The following PPM1L variants were observed in gnomAD, a reference collection of about 807,000 sequenced individuals.
PPM1L encodes protein phosphatase, Mg2+/Mn2+ dependent 1L, also known as protein phosphatase 1L.
PPM1L carries 13 observed loss-of-function variants against 31.4 expected under a neutral mutation model. That is an observed-to-expected ratio of 0.41 (90% confidence interval 0.27 to 0.66). The LOEUF is 0.66. Among genes scored for constraint, PPM1L ranks in the 30% least tolerant of loss-of-function variants. PPM1L has a pLI of 0.29. For missense variants in PPM1L, 326 were observed against 453.7 expected, an observed-to-expected ratio of 0.72 and a Z score of 2.56; for synonymous variants, 184 against 175.4, an observed-to-expected ratio of 1.05 and a Z score of -0.39.
intron 1 of PPM1L, among the ~76,000 whole-genome samples, chr3:160,886,551 C>T (rs908445045): frequency 2.0e-5 from 3 of 152,126 alleles, no homozygotes; most frequent in Admixed American, 6.5e-5. Context: ...CCTCCAGGCA[C>T]AGGAGCGAAC....
chr3:160,842,330 A>G (rs898231277), intron 1 of PPM1L: 7 of 701,712 alleles, frequency 1.0e-5, no homozygotes, highest in African/African-American at 1.7e-5. Flanking sequence ...AGGACTCATG[A>G]TGGGGGGTAA....
intron 1 of PPM1L, among the ~76,000 whole-genome samples, chr3:160,895,765 G>A (rs1395364223): frequency 6.6e-6 from 1 of 152,136 alleles, no homozygotes; most frequent in African/African-American, 2.4e-5. Flanking sequence ...GGTGATGATG[G>A]AGAAAATGTT....
At chr3:160,820,615 G>A (rs1207353689) in intron 1 of PPM1L, among the ~76,000 whole-genome samples, 1 of 151,942 alleles carries the variant, frequency 6.6e-6, no homozygotes, top group African/African-American at 2.4e-5. Flanking sequence ...GTATTGTATG[G>A]TCTTAAACTT....
At chr3:160,796,373 C>G (rs1712250861) in intron 1 of PPM1L, among the ~76,000 whole-genome samples, 1 of 152,168 alleles carries the variant, frequency 6.6e-6, no homozygotes, top group Non-Finnish European at 1.5e-5. Context: ...TGCTGCATCT[C>G]TGCTACCTTT....
At chr3:160,988,837 A>G (rs1429789743) in intron 2 of PPM1L, among the ~76,000 whole-genome samples, 1 of 152,172 alleles carries the variant, frequency 6.6e-6, no homozygotes, top group Non-Finnish European at 1.5e-5. Flanking sequence ...TGTCTGTACA[A>G]TTCTTTATGC....
At position 161,077,069 on chromosome 3, in the gene PPM1L, G is replaced by T. The variant is rs1720126034; in HGVS notation, c.*7912G>T. The T allele has an allele frequency of 6.6e-6, 1 of 152,096 alleles. No individual in the cohort carries two copies. Among genetic ancestry groups the T allele is most frequent in the Admixed American group, 6.6e-5 (1 of 15,266 alleles). The allele number at this position is 152,096 out of a possible 1,614,324, so 9.4% of individuals were successfully genotyped here. A position where few individuals can be genotyped will look rare whatever the true frequency, so the allele number is the denominator to read the frequency against. ...TCAGGCGCCATCACTGCCTTCTTGG[G>T]GCTTACACCCTATTGGGGTGTCAGA... On this transcript the variant is annotated 3_prime_UTR_variant, in exon 4 of 4. Coordinates refer to ENST00000498165, the MANE Select transcript of PPM1L (RefSeq NM_139245.4).
intron 1 of PPM1L, among the ~76,000 whole-genome samples, chr3:160,942,094 GT>G (rs1310167331): frequency 3.3e-5 from 5 of 152,164 alleles, no homozygotes; most frequent in African/African-American, 1.2e-4. Flanking sequence ...GTGCCATCTG[GT>G]GGAGGAAAGG....
chr3:160,930,762 G>A (rs900271702), intron 1 of PPM1L, among the ~76,000 whole-genome samples: 4 of 152,160 alleles, frequency 2.6e-5, no homozygotes, highest in Non-Finnish European at 5.9e-5. Context: ...TCTGATGGCC[G>A]TCTTCAGTTC....
chr3:161,042,729 G>A (rs1299539281), intron 2 of PPM1L, among the ~76,000 whole-genome samples: 2 of 152,138 alleles, frequency 1.3e-5, no homozygotes, highest in Admixed American at 6.5e-5. Context: ...AAAACATTGT[G>A]GGTTTTTTTG....
intron 1 of PPM1L, among the ~76,000 whole-genome samples, chr3:160,930,707 G>C (rs1169738830): frequency 2.0e-5 from 3 of 152,148 alleles, no homozygotes; most frequent in Non-Finnish European, 4.4e-5. Flanking sequence ...GCTTCGTATG[G>C]GAAACACGCA....
chr3:160,969,280 T>C lies in PPM1L; in HGVS notation c.574+7370T>C, dbSNP rs1716247453. 2.0e-5 allele frequency among the ~76,000 whole-genome samples: 3 copies of C among 152,360 alleles called. No individual in the cohort carries two copies. The South Asian group carries it at 6.2e-4, about 32-fold the overall frequency. On this transcript the variant is annotated intron_variant, in intron 2 of 3. Coordinates refer to ENST00000498165, the MANE Select transcript of PPM1L (RefSeq NM_139245.4). ...ATAGCTTTTTAAAAGCGTGGAGGAATGTGCTCTAAGCAGCTTAGGAAGTAG... is the reference window on the plus strand; with the variant it reads ...ATAGCTTTTTAAAAGCGTGGAGGAACGTGCTCTAAGCAGCTTAGGAAGTAG...
chr3:160,879,235 A>G (rs778366462), intron 1 of PPM1L, among the ~76,000 whole-genome samples: 18 of 152,114 alleles, frequency 1.2e-4, no homozygotes, highest in Non-Finnish European at 2.1e-4. Flanking sequence ...CTCTCTGTTC[A>G]AAGTCACCAA....
At chr3:160,946,770 A>G (rs1715424613) in intron 1 of PPM1L, among the ~76,000 whole-genome samples, 1 of 152,298 alleles carries the variant, frequency 6.6e-6, no homozygotes, top group African/African-American at 2.4e-5. Context: ...GGCAATTTCC[A>G]TGCAATTCTT....
chr3:160,823,679 T>C (rs1180951803), intron 1 of PPM1L, among the ~76,000 whole-genome samples: 1 of 152,154 alleles, frequency 6.6e-6, no homozygotes, highest in East Asian at 1.9e-4. Context: ...ATATGCCAAA[T>C]ACGCTATGCT....
At chr3:161,007,296 A>C (rs537706106) in intron 2 of PPM1L, among the ~76,000 whole-genome samples, 2 of 152,392 alleles carry the variant, frequency 1.3e-5, no homozygotes, top group African/African-American at 4.8e-5. Context: ...AATCAAGGGA[A>C]GCATCATGTA....
At chr3:160,815,290 C>G (rs575711724) in intron 1 of PPM1L, among the ~76,000 whole-genome samples, 1 of 152,144 alleles carries the variant, frequency 6.6e-6, no homozygotes, top group African/African-American at 2.4e-5. Flanking sequence ...TACTCTTTTA[C>G]GAGGCTATAT....
At chr3:160,917,516 T>C (rs1447800182) in intron 1 of PPM1L, among the ~76,000 whole-genome samples, 1 of 152,142 alleles carries the variant, frequency 6.6e-6, no homozygotes, top group Non-Finnish European at 1.5e-5. Flanking sequence ...TCTCATATGG[T>C]TCAGGCACAG....
At chr3:160,948,955 C>T (rs866759673) in intron 1 of PPM1L, among the ~76,000 whole-genome samples, 1 of 152,082 alleles carries the variant, frequency 6.6e-6, no homozygotes, top group Non-Finnish European at 1.5e-5. Flanking sequence ...TGTTTTTCAC[C>T]TGTTAGTGAG....
chr3:160,784,653 G>T (rs553679427), intron 1 of PPM1L, among the ~76,000 whole-genome samples: 1 of 152,220 alleles, frequency 6.6e-6, no homozygotes, highest in East Asian at 1.9e-4. Context: ...TTTAAAAAAT[G>T]GTTTTGTTTT....
Sources: gnomAD v4.1 joint callset for allele counts (sites outside exome capture counted in the v4.1 genomes callset) on GRCh38, gnomAD v4.1.1 for gene constraint, MANE v1.5 for transcripts, NCBI Gene and HGNC (gene_info 2026-07-23, HGNC 2026-07-21) for gene names.